Variants in KIF26B observed in about 807,000 individuals in gnomAD.
KIF26B encodes kinesin-like protein KIF26B.
Under a neutral mutation model 151.2 loss-of-function variants are expected in KIF26B, and 63 were observed. The observed-to-expected ratio is 0.42, with a 90% confidence interval of 0.34 to 0.51. The LOEUF (loss-of-function observed/expected upper bound fraction) is 0.51. KIF26B is among the 20% of genes least tolerant of loss of function. The pLI is 0.07. For missense variants in KIF26B, 2,813 were observed against 2,913.6 expected, an observed-to-expected ratio of 0.97 and a Z score of 0.79; for synonymous variants, 1,357 against 1,262.1, an observed-to-expected ratio of 1.08 and a Z score of -1.59.
chr1:245,211,180 T>C (rs927448496), intron 2 of KIF26B, among the ~76,000 whole-genome samples: 2 of 152,118 alleles, frequency 1.3e-5, no homozygotes, highest in Non-Finnish European at 2.9e-5. Flanking sequence ...GGGATCTGGT[T>C]TGGCTGGGTG....
chr1:245,334,843 G>C (rs74393609), intron 2 of KIF26B, among the ~76,000 whole-genome samples: 3,227 of 152,160 alleles, frequency 0.021, 117 homozygotes, highest in African/African-American at 0.068. Context: ...CTGTACAGTA[G>C]GTATGACTGC....
chr1:245,550,208 T>C (rs1370995890), intron 5 of KIF26B, among the ~76,000 whole-genome samples: 2 of 152,236 alleles, frequency 1.3e-5, no homozygotes, highest in African/African-American at 4.8e-5. Context: ...TGTAGCTCAT[T>C]TGAGATCTGT....
chr1:245,197,269 C>T (rs1425988564), intron 2 of KIF26B, among the ~76,000 whole-genome samples: 1 of 152,238 alleles, frequency 6.6e-6, no homozygotes, highest in Non-Finnish European at 1.5e-5. Context: ...TCTAGGAGAA[C>T]AATTATTATT....
chr1:245,428,365 C>A (rs565375544), intron 4 of KIF26B, among the ~76,000 whole-genome samples: 1 of 152,148 alleles, frequency 6.6e-6, no homozygotes. Context: ...TTAGTGCCAT[C>A]CGATTTCAAG....
At chr1:245,612,306 C>A (rs1463465345) in intron 9 of KIF26B, among the ~76,000 whole-genome samples, 2 of 152,002 alleles carry the variant, frequency 1.3e-5, no homozygotes, top group Non-Finnish European at 2.9e-5. Context: ...AGAGATGGGA[C>A]CTTGCTATGT....
rs1032997943 is a variant in KIF26B at position 245,685,396 on chromosome 1, C to A, written c.2422-9C>A. On this transcript the variant is annotated splice_polypyrimidine_tract_variant and intron_variant, in intron 11 of 14. Transcript: ENST00000407071. Reference sequence around the variant, plus strand: ...AAGGCCACCACATTAACTGCCGTCTCACTCACAGTACACATCCAGCTCGTC... The same window carrying A: ...AAGGCCACCACATTAACTGCCGTCTAACTCACAGTACACATCCAGCTCGTC... 2 of 1,594,328 alleles carry A rather than the reference C, an allele frequency of 1.3e-6. No homozygotes were observed. Among genetic ancestry groups the A allele is most frequent in the Non-Finnish European group, 1.7e-6 (2 of 1,166,556 alleles).
chr1:245,617,317 C>T (rs1365124430), intron 9 of KIF26B, among the ~76,000 whole-genome samples: 3 of 152,144 alleles, frequency 2.0e-5, no homozygotes, highest in African/African-American at 4.8e-5. Flanking sequence ...ACGCTGGTCT[C>T]GAACTCCTGA....
intron 2 of KIF26B, among the ~76,000 whole-genome samples, chr1:245,306,389 C>A (rs1192883516): frequency 6.6e-6 from 1 of 152,142 alleles, no homozygotes; most frequent in African/African-American, 2.4e-5. Flanking sequence ...TGGGACGTTG[C>A]AGCTAATGCA....
chr1:245,310,476 A>C (rs576374805), intron 2 of KIF26B, among the ~76,000 whole-genome samples: 22 of 152,328 alleles, frequency 1.4e-4, no homozygotes, highest in Middle Eastern at 3.4e-3. Flanking sequence ...CAATATTCTA[A>C]GGGGACTGAG....
At chr1:245,159,248 A>T (rs1236434756) in intron 2 of KIF26B, among the ~76,000 whole-genome samples, 1 of 152,222 alleles carries the variant, frequency 6.6e-6, no homozygotes, top group Non-Finnish European at 1.5e-5. Flanking sequence ...ATATTTTCTT[A>T]AATAGAGTGT....
chr1:245,469,343 C>T (rs1659859980), intron 4 of KIF26B, among the ~76,000 whole-genome samples: 1 of 152,134 alleles, frequency 6.6e-6, no homozygotes, highest in Non-Finnish European at 1.5e-5. Context: ...ATGGTCTTGC[C>T]TCTCATCTCA....
intron 2 of KIF26B, among the ~76,000 whole-genome samples, chr1:245,238,023 C>T (rs2103558567): frequency 9.9e-6 from 1 of 101,214 alleles, no homozygotes; most frequent in Middle Eastern, 4.2e-3. Context: ...AAGACCCTGT[C>T]TCAAAAAAAA....
intron 9 of KIF26B, among the ~76,000 whole-genome samples, chr1:245,612,364 A>G (rs72762892): frequency 0.087 from 13,200 of 152,004 alleles, 672 homozygotes; most frequent in South Asian, 0.12. Context: ...TCTTGCCTTG[A>G]TCTCCCAAAG....
chr1:245,246,182 C>G (rs2103562579), intron 2 of KIF26B, among the ~76,000 whole-genome samples: 1 of 152,066 alleles, frequency 6.6e-6, no homozygotes, highest in South Asian at 2.1e-4. Flanking sequence ...AGATTTACAG[C>G]CGAATAAAGG....
chr1:245,397,293 G>A (rs753273576), intron 3 of KIF26B, among the ~76,000 whole-genome samples: 3 of 150,324 alleles, frequency 2.0e-5, no homozygotes, highest in Non-Finnish European at 2.9e-5. Flanking sequence ...CCAGTTTACC[G>A]CATCCTCCAC....
At chr1:245,456,900 C>T (rs1161431736) in intron 4 of KIF26B, among the ~76,000 whole-genome samples, 1 of 152,194 alleles carries the variant, frequency 6.6e-6, no homozygotes, top group Admixed American at 6.5e-5. Flanking sequence ...GAATCTCCCT[C>T]TGTTGCCCAG....
intron 2 of KIF26B, among the ~76,000 whole-genome samples, chr1:245,180,439 T>C (rs1204356320): frequency 1.3e-5 from 2 of 152,202 alleles, no homozygotes; most frequent in Non-Finnish European, 2.9e-5. Context: ...CTTCCACATC[T>C]GTAAAATGGG....
Position 245,586,815 on chromosome 1 carries a change from A to G in KIF26B, c.1351-15762A>G, listed in dbSNP as rs1430279752. On this transcript the variant is annotated intron_variant, in intron 5 of 14. Transcript: ENST00000407071. ...GCAGGAGAATGGCGTGAACCCGGGA[A>G]GCGGAGCTTGCAGTGAGCCGAGATT... Among the ~76,000 whole-genome samples, 14 of 150,618 alleles carry G rather than the reference A, an allele frequency of 9.3e-5. 1 individual carries two copies. The highest frequency in any genetic ancestry group is 4.0e-4 in the East Asian group (2 of 5,030).
At chr1:245,393,641 T>A (rs1673753589) in intron 3 of KIF26B, among the ~76,000 whole-genome samples, 1 of 152,210 alleles carries the variant, frequency 6.6e-6, no homozygotes, top group Non-Finnish European at 1.5e-5. Context: ...TTTCTTCCGT[T>A]TCTTTAGGTC....
Sources: gnomAD v4.1 joint callset for allele counts (sites outside exome capture counted in the v4.1 genomes callset) on GRCh38, gnomAD v4.1.1 for gene constraint, MANE v1.5 for transcripts, NCBI Gene and HGNC (gene_info 2026-07-23, HGNC 2026-07-21) for gene names.